DOK6: variants seen among roughly 807,000 people sequenced by gnomAD.
The protein encoded by DOK6 is docking protein 6, also known as downstream of tyrosine kinase 6.
Under a neutral mutation model 44.0 loss-of-function variants are expected in DOK6, and 22 were observed. That is an observed-to-expected ratio of 0.50 (90% CI 0.36 to 0.71). The LOEUF (loss-of-function observed/expected upper bound fraction) is 0.71, where lower values mean the gene tolerates loss of function less well. Among genes scored for constraint, DOK6 ranks in the 30% least tolerant of loss-of-function variants. DOK6 has a pLI of 0.00. For missense variants in DOK6, 340 were observed against 416.4 expected (o/e 0.82, Z 1.60); for synonymous variants, 166 against 145.5 (o/e 1.14, Z -1.01).
At chr18:69,441,176 C>A (rs745821199) in intron 1 of DOK6, among the ~76,000 whole-genome samples, 3 of 151,978 alleles carry the variant, frequency 2.0e-5, no homozygotes, top group Non-Finnish European at 4.4e-5. Flanking sequence ...TACATGAATA[C>A]CAGATGAAGT....
chr18:69,472,756 G>A (rs926850498), intron 1 of DOK6, among the ~76,000 whole-genome samples: 1 of 151,578 alleles, frequency 6.6e-6, no homozygotes, highest in Non-Finnish European at 1.5e-5. Flanking sequence ...ACACACACAC[G>A]GGATCTCATT....
At chr18:69,427,153 C>A (rs767962764) in intron 1 of DOK6, among the ~76,000 whole-genome samples, 1 of 152,096 alleles carries the variant, frequency 6.6e-6, no homozygotes, top group East Asian at 1.9e-4. Context: ...GCTCCATCCA[C>A]GTCGCTGCAA....
chr18:69,687,565 C>T (rs977829059), intron 4 of DOK6, among the ~76,000 whole-genome samples: 2 of 152,120 alleles, frequency 1.3e-5, no homozygotes, highest in East Asian at 1.9e-4. Context: ...GCCTGAAGTC[C>T]CAGCTACTCA....
intron 1 of DOK6, among the ~76,000 whole-genome samples, chr18:69,449,879 G>T (rs911437656): frequency 6.6e-6 from 1 of 150,944 alleles, no homozygotes; most frequent in African/African-American, 2.4e-5. Flanking sequence ...CTAACAAACA[G>T]AAAGGACATC....
intron 1 of DOK6, among the ~76,000 whole-genome samples, chr18:69,404,635 T>G (rs967068012): frequency 6.6e-6 from 1 of 152,106 alleles, no homozygotes; most frequent in African/African-American, 2.4e-5. Context: ...TTCAAGGAAT[T>G]CATTCAAATA....
rs574921351 is a variant in DOK6, at chr18:69,836,851, A to G, written c.857-4393A>G. The stretch of plus-strand genomic sequence containing the variant: ...ACTGTCTAGGGGCATAATTCAAATG[A>G]ACATTGAAAAAATGCTTAATTATTT... On this transcript the variant is annotated intron_variant, in intron 7 of 7. Coordinates refer to ENST00000382713, the MANE Select transcript of DOK6 (RefSeq NM_152721.6). Among the ~76,000 whole-genome samples the G allele has an allele frequency of 3.0e-3, 453 of 152,342 alleles. 1 individual carries two copies. The highest frequency in any genetic ancestry group is 4.4e-3 in the Non-Finnish European group (302 of 68,020).
intron 3 of DOK6, among the ~76,000 whole-genome samples, chr18:69,658,105 G>A (rs576226179): frequency 4.6e-5 from 7 of 151,936 alleles, no homozygotes; most frequent in South Asian, 2.1e-4. Context: ...GCACCACCAC[G>A]CCCAGCTGAT....
intron 2 of DOK6, among the ~76,000 whole-genome samples, chr18:69,584,689 C>T (rs1390085960): frequency 2.0e-5 from 3 of 151,812 alleles, no homozygotes; most frequent in Non-Finnish European, 4.4e-5. Flanking sequence ...GATTAATTCA[C>T]TGTCCCCTAA....
intron 4 of DOK6, among the ~76,000 whole-genome samples, chr18:69,686,888 A>G (rs1599263011): frequency 6.6e-6 from 1 of 152,148 alleles, no homozygotes; most frequent in Admixed American, 6.5e-5. Context: ...CAGAAAATCC[A>G]AAAAGCCCTA....
chr18:69,531,268 A>G, intron 1 of DOK6, among the ~76,000 whole-genome samples: 1 of 147,184 alleles, frequency 6.8e-6, no homozygotes, highest in Non-Finnish European at 1.5e-5. Context: ...ACATATATAT[A>G]TATAATATAT....
chr18:69,561,466 AATC>A (rs1298031636), intron 1 of DOK6, among the ~76,000 whole-genome samples: 1 of 152,176 alleles, frequency 6.6e-6, no homozygotes, highest in Non-Finnish European at 1.5e-5. Context: ...ATCATATTCT[AATC>A]ATCTGTTTTT....
At chr18:69,449,170 G>A (rs1387231277) in intron 1 of DOK6, among the ~76,000 whole-genome samples, 1 of 152,142 alleles carries the variant, frequency 6.6e-6, no homozygotes, top group Admixed American at 6.5e-5. Context: ...GTATATTTAT[G>A]CAAAGAGTTT....
At chr18:69,401,698 C>T (rs1187173585) in intron 1 of DOK6, among the ~76,000 whole-genome samples, 6 of 152,186 alleles carry the variant, frequency 3.9e-5, no homozygotes, top group Non-Finnish European at 7.3e-5. Flanking sequence ...TGTGTGGCGA[C>T]GCTCGCGTGT....
chr18:69,571,878 A>G (rs535786184), intron 2 of DOK6, among the ~76,000 whole-genome samples: 1 of 152,222 alleles, frequency 6.6e-6, no homozygotes, highest in East Asian at 1.9e-4. Context: ...AACACAATCA[A>G]CCACTTTGAC....
At chr18:69,403,981 A>G (rs1916150486) in intron 1 of DOK6, among the ~76,000 whole-genome samples, 1 of 152,256 alleles carries the variant, frequency 6.6e-6, no homozygotes, top group Admixed American at 6.5e-5. Flanking sequence ...GTCCAAAACT[A>G]AATTTCAAAA....
At chr18:69,606,714 T>G (rs1373408023) in intron 3 of DOK6, among the ~76,000 whole-genome samples, 2 of 150,676 alleles carry the variant, frequency 1.3e-5, no homozygotes, top group Non-Finnish European at 2.9e-5. Context: ...CGTACAAAAA[T>G]CAGTAGCATT....
chr18:69,601,737 A>G (rs772702283), intron 3 of DOK6, among the ~76,000 whole-genome samples: 1 of 152,218 alleles, frequency 6.6e-6, no homozygotes, highest in Non-Finnish European at 1.5e-5. Context: ...CCTAGCATCC[A>G]GATCTTTCTT....
chr18:69,437,580 G>A (rs1289131489), intron 1 of DOK6, among the ~76,000 whole-genome samples: 2 of 152,172 alleles, frequency 1.3e-5, no homozygotes, highest in South Asian at 4.1e-4. Context: ...TAGCCTTGTA[G>A]TATAGTTTGA....
At chr18:69,508,853 T>C (rs1441168298) in intron 1 of DOK6, among the ~76,000 whole-genome samples, 3 of 152,322 alleles carry the variant, frequency 2.0e-5, no homozygotes, top group East Asian at 1.9e-4. Context: ...ATGAGTGATA[T>C]AGACAGAGTC....
Sources: gnomAD v4.1 joint callset for allele counts (sites outside exome capture counted in the v4.1 genomes callset) on GRCh38, gnomAD v4.1.1 for gene constraint, MANE v1.5 for transcripts, NCBI Gene and HGNC (gene_info 2026-07-23, HGNC 2026-07-21) for gene names.